Variants in CASC3 observed in about 807,000 individuals in gnomAD.
CASC3 encodes protein CASC3.
In CASC3, 30 loss-of-function variants were observed where a neutral mutation model predicts 80.5. That is an observed-to-expected ratio of 0.37 (90% CI 0.28 to 0.51). The LOEUF is 0.51. Among genes scored for constraint, CASC3 ranks in the 20% least tolerant of loss-of-function variants. The probability of loss-of-function intolerance (pLI) is 0.94; values close to 1 mark genes in which losing one functional copy is unlikely to be tolerated. For synonymous variants in CASC3, 312 were observed against 333.6 expected (o/e 0.94, Z 0.70); for missense variants, 824 against 922.2 (o/e 0.89, Z 1.38).
chr17:40,162,980 G>A, intron 6 of CASC3, 79 bp downstream of exon 6: 1 of 1,285,144 alleles, frequency 7.8e-7, no homozygotes, highest in Non-Finnish European at 1.1e-6. Context: ...CGGCACTTTG[G>A]GAGGCTGAGG....
chr17:40,154,948 G>T (rs1431740650), intron 3 of CASC3, among the ~76,000 whole-genome samples: 5 of 152,124 alleles, frequency 3.3e-5, no homozygotes, highest in Non-Finnish European at 5.9e-5. Flanking sequence ...GGAGTGCAGT[G>T]GCGCTATCTA....
At chr17:40,164,430 A>ATT (rs111608494) in intron 7 of CASC3, among the ~76,000 whole-genome samples, 2,314 of 145,318 alleles carry the variant, frequency 0.016, 62 homozygotes, top group African/African-American at 0.056. Context: ...CGCCCAGCTA[A>ATT]TTTTTTTTTT....
At chr17:40,160,724 C>T (rs932541550) in intron 3 of CASC3, among the ~76,000 whole-genome samples, 3 of 151,474 alleles carry the variant, frequency 2.0e-5, no homozygotes, top group African/African-American at 4.9e-5. Flanking sequence ...CTGCAACCTC[C>T]GCCTCCCGGC....
chr17:40,165,301 G>A (rs1020554679), intron 7 of CASC3, among the ~76,000 whole-genome samples: 1 of 152,154 alleles, frequency 6.6e-6, no homozygotes, highest in Non-Finnish European at 1.5e-5. Flanking sequence ...CTGACCTTAA[G>A]TGATCGACCC....
intron 5 of CASC3, 82 bp downstream of exon 5, chr17:40,162,235 T>G (rs1292526014): frequency 1.5e-6 from 2 of 1,343,504 alleles, no homozygotes; most frequent in Non-Finnish European, 1.0e-6. Flanking sequence ...TGTATTTCAT[T>G]TATTACAGCA....
At chr17:40,155,554 A>G (rs1173822053) in intron 3 of CASC3, among the ~76,000 whole-genome samples, 2 of 152,202 alleles carry the variant, frequency 1.3e-5, no homozygotes, top group Non-Finnish European at 2.9e-5. Flanking sequence ...CCTCAGTGCT[A>G]AAGTCTTCCT....
In CASC3 at chr17:40,140,542, C is replaced by G. The variant is rs1988676891; in HGVS notation, c.-7C>G. 1 of 1,605,968 alleles carries G rather than the reference C, an allele frequency of 6.2e-7. No individual in the cohort carries two copies. Among genetic ancestry groups the G allele is most frequent in the Admixed American group, 1.7e-5 (1 of 59,982 alleles). On this transcript the variant is annotated 5_prime_UTR_variant, in exon 1 of 14. Coordinates refer to ENST00000264645, the MANE Select transcript of CASC3 (RefSeq NM_007359.5). ...GTACCTCGCCGGTGGTGGCCGTTCT[C>G]CGTAAGATGGCGGACCGGCGGCGGC...
chr17:40,167,973 T>C (rs1456821776), intron 10 of CASC3, 25 bp downstream of exon 10: 1 of 1,594,022 alleles, frequency 6.3e-7, no homozygotes, highest in African/African-American at 1.3e-5. Context: ...TCTGCTTATA[T>C]GCTTCCAGTA....
intron 3 of CASC3, among the ~76,000 whole-genome samples, chr17:40,160,282 C>T (rs962191812): frequency 6.6e-6 from 1 of 152,100 alleles, no homozygotes; most frequent in Non-Finnish European, 1.5e-5. Flanking sequence ...TGCTTGAGCT[C>T]AGCAGTTTGA....
intron 3 of CASC3, among the ~76,000 whole-genome samples, chr17:40,142,947 T>C (rs529979457): frequency 6.7e-6 from 1 of 149,252 alleles, no homozygotes; most frequent in South Asian, 2.1e-4. Context: ...ATTAGCTTGG[T>C]GTGGTGATGC....
chr17:40,142,270 C>T (rs1988737490), intron 3 of CASC3, among the ~76,000 whole-genome samples: 1 of 152,166 alleles, frequency 6.6e-6, no homozygotes, highest in Non-Finnish European at 1.5e-5. Context: ...AACACTATAA[C>T]AAAATTCCTA....
intron 3 of CASC3, among the ~76,000 whole-genome samples, chr17:40,142,725 A>G (rs915190560): frequency 2.0e-5 from 3 of 151,870 alleles, no homozygotes; most frequent in Admixed American, 6.6e-5. Flanking sequence ...CGTCCCTACT[A>G]AAAATACAAA....
intron 3 of CASC3, among the ~76,000 whole-genome samples, chr17:40,154,273 CT>C (rs1480900846): frequency 6.6e-6 from 1 of 151,926 alleles, no homozygotes; most frequent in Non-Finnish European, 1.5e-5. Flanking sequence ...TCTCAAACTC[CT>C]GGGCTCAAGC....
At chr17:40,168,096 T>C in intron 10 of CASC3, 107 bp from the exon 11 acceptor site, 1 of 1,271,092 alleles carries the variant, frequency 7.9e-7, no homozygotes, top group Non-Finnish European at 1.1e-6. Context: ...CTTGTGTCCA[T>C]CCTGAGGACT....
In CASC3 at chr17:40,162,897, C is replaced by G; in HGVS notation, c.781C>G (p.Pro261Ala). 1 of 1,613,404 alleles carries G rather than the reference C, an allele frequency of 6.2e-7. No individual in the cohort carries two copies. The highest frequency in any genetic ancestry group is 8.5e-7 in the Non-Finnish European group (1 of 1,179,684). ...DDIKPRRIRK[P>A]RYGSPPQRDP... ...CATCAAACCTCGAAGAATCCGGAAA[C>G]CCCGGTGAGGACATTTTAGAACATA... The change falls in exon 6 of 14, where the codon CCC (proline) becomes GCC (alanine). Residue 261 changes from proline to alanine, a missense_variant. This residue lies in a region of CASC3 where 201 missense variants were observed against 294.1 expected (regional missense o/e 0.68). Transcript: ENST00000264645.
Position 40,171,078 on chromosome 17 carries a change from T to C in CASC3, c.*673T>C. On this transcript the variant is annotated 3_prime_UTR_variant, in exon 14 of 14. Transcript: ENST00000264645. ...CCTTAACTCTAACCCTGTGGAAGCA[T>C]GGCTGTCTGCACAGAGGGTCCCATT... The C allele has an allele frequency of 1.0e-6, 1 of 985,750 alleles. No homozygotes were observed. Among genetic ancestry groups the C allele is most frequent in the Non-Finnish European group, 1.2e-6 (1 of 829,938 alleles). 61.1% of individuals were successfully genotyped at this position (985,750 alleles called of 1,614,324 possible).
chr17:40,157,474 G>A (rs1182200957), intron 3 of CASC3, among the ~76,000 whole-genome samples: 1 of 152,132 alleles, frequency 6.6e-6, no homozygotes, highest in African/African-American at 2.4e-5. Context: ...TCAGGACTTT[G>A]AGACCAGCCT....
At chr17:40,169,555 T>C in intron 12 of CASC3, 43 bp from the exon 13 acceptor site, 1 of 1,584,660 alleles carries the variant, frequency 6.3e-7, no homozygotes. Flanking sequence ...AAAACAGTCT[T>C]TTTGTTATGA....
intron 3 of CASC3, 77 bp from the exon 4 acceptor site, chr17:40,161,676 G>T: frequency 7.8e-7 from 1 of 1,273,914 alleles, no homozygotes; most frequent in Admixed American, 1.9e-5. Context: ...CTTTGTTTTG[G>T]GGTTGGGGGC....
Sources: allele counts gnomAD v4.1 joint callset (sites outside exome capture counted in the v4.1 genomes callset), GRCh38; gene constraint gnomAD v4.1.1; regional missense constraint gnomAD v4.1.1; transcripts MANE v1.5; gene names NCBI Gene and HGNC (gene_info 2026-07-23, HGNC 2026-07-21).